Variants in CTNNA2 observed in about 807,000 individuals in gnomAD.
CTNNA2 encodes catenin alpha-2.
In CTNNA2, 42 loss-of-function variants were observed where a neutral mutation model predicts 101.0. The ratio of observed to expected loss-of-function variants is 0.42; its 90% CI spans 0.32 to 0.54. The LOEUF is 0.54. Ranked by LOEUF, CTNNA2 falls within the 20% of genes least tolerant of loss-of-function variation. The pLI is 0.14. For missense variants in CTNNA2, 871 were observed against 1,223.1 expected (o/e 0.71, Z 4.29); for synonymous variants, 450 against 456.4 (o/e 0.99, Z 0.18).
chr2:79,623,836 A>G (rs1679139773), intron 1 of CTNNA2, among the ~76,000 whole-genome samples: 2 of 152,206 alleles, frequency 1.3e-5, no homozygotes, highest in East Asian at 1.9e-4. Flanking sequence ...TATTAATTTC[A>G]CCATATTTTT....
intron 15 of CTNNA2, chr2:80,602,079 T>C (rs1396088470): frequency 6.6e-6 from 1 of 152,128 alleles, no homozygotes; most frequent in Non-Finnish European, 1.5e-5. Flanking sequence ...TGAGAAAATA[T>C]TTGATCTCAG....
At chr2:79,338,057 T>A (rs11126710) in intron 3 of CTNNA2, among the ~76,000 whole-genome samples, 1 of 151,624 alleles carries the variant, frequency 6.6e-6, no homozygotes, top group South Asian at 2.1e-4. Flanking sequence ...ACCAGCCTGG[T>A]GAACATGGAG....
chr2:79,961,776 C>T (rs1361689967), intron 7 of CTNNA2, among the ~76,000 whole-genome samples: 1 of 139,016 alleles, frequency 7.2e-6, no homozygotes, highest in East Asian at 2.2e-4. Context: ...GAGCCGAGAT[C>T]GTGCCACTGC....
In CTNNA2 at chr2:80,303,443, G is replaced by A. The variant is rs758815898; in HGVS notation, c.1057-89768G>A. The A allele has an allele frequency of 8.1e-6, 13 of 1,614,242 alleles. 1 individual carries two copies. The South Asian group carries it at 1.2e-4, about 15-fold the overall frequency. On this transcript the variant is annotated intron_variant, in intron 7 of 18. Coordinates refer to ENST00000402739, the MANE Select transcript of CTNNA2 (RefSeq NM_001282597.3). The surrounding 1 kb of genome is among the most constrained non-coding windows in gnomAD (Gnocchi z 7.7). Reference sequence around the variant, plus strand: ...CCGGAAGGTGGTGTTGGGCAGTTGGGTGATCTGGTTGGAACTCAGCGTGAG... The same window carrying A: ...CCGGAAGGTGGTGTTGGGCAGTTGGATGATCTGGTTGGAACTCAGCGTGAG...
chr2:80,495,904 C>T (rs1039115297), intron 9 of CTNNA2, among the ~76,000 whole-genome samples: 9 of 131,200 alleles, frequency 6.9e-5, no homozygotes, highest in African/African-American at 2.0e-4. Flanking sequence ...TATGCCACTG[C>T]ACTCCAGCCT....
intron 7 of CTNNA2, among the ~76,000 whole-genome samples, chr2:80,084,953 T>A (rs958231620): frequency 6.6e-6 from 1 of 152,044 alleles, no homozygotes; most frequent in Non-Finnish European, 1.5e-5. Context: ...AAAAGTGGGA[T>A]TCCTAGAAGA....
chr2:80,265,342 G>A (rs1277991461), intron 7 of CTNNA2, among the ~76,000 whole-genome samples: 1 of 152,156 alleles, frequency 6.6e-6, no homozygotes, highest in Non-Finnish European at 1.5e-5. Flanking sequence ...GCAACAATAC[G>A]GAGGGTAGGT....
chr2:79,760,438 A>G (rs538302861), intron 3 of CTNNA2, among the ~76,000 whole-genome samples: 2 of 152,124 alleles, frequency 1.3e-5, no homozygotes, highest in Admixed American at 6.6e-5. Context: ...TCTATAGGAC[A>G]GTCTGACAGG....
rs148914839 is a variant in CTNNA2, at chr2:80,639,462, G to A, written c.2575-8123G>A. On this transcript the variant is annotated intron_variant, in intron 18 of 18. Coordinates refer to ENST00000402739, the MANE Select transcript of CTNNA2 (RefSeq NM_001282597.3). ...TGACCTCAAGTGATCCGCCCACCTCGGCCTCCTAAAATGCTGGGATTATAG... is the reference window on the plus strand; with the variant it reads ...TGACCTCAAGTGATCCGCCCACCTCAGCCTCCTAAAATGCTGGGATTATAG... Among the ~76,000 whole-genome samples, 804 of 151,718 alleles carry A rather than the reference G, an allele frequency of 5.3e-3. 3 individuals carry two copies. The highest frequency in any genetic ancestry group is 9.0e-3 in the Non-Finnish European group (610 of 67,922).
chr2:79,713,745 G>A (rs533222305), intron 2 of CTNNA2, among the ~76,000 whole-genome samples: 1 of 152,166 alleles, frequency 6.6e-6, no homozygotes, highest in Admixed American at 6.5e-5. Flanking sequence ...TACCATTACT[G>A]TAGAGAGGCT....
chr2:79,522,990 G>A (rs1331637925), intron 1 of CTNNA2, among the ~76,000 whole-genome samples: 1 of 152,136 alleles, frequency 6.6e-6, no homozygotes, highest in Non-Finnish European at 1.5e-5. Context: ...GTGAACATTT[G>A]GTGAATTTCT....
chr2:79,832,102 T>G (rs1439819092), intron 3 of CTNNA2, among the ~76,000 whole-genome samples: 1 of 152,190 alleles, frequency 6.6e-6, no homozygotes, highest in Non-Finnish European at 1.5e-5. Flanking sequence ...ACTCATTCCC[T>G]GTGTGAGATA....
At chr2:79,502,961 A>G (rs936649773) in intron 4 of CTNNA2, among the ~76,000 whole-genome samples, 2 of 152,170 alleles carry the variant, frequency 1.3e-5, no homozygotes, top group Admixed American at 6.5e-5. Flanking sequence ...CAAGGGCTCA[A>G]CAATATAGAC....
intron 18 of CTNNA2, among the ~76,000 whole-genome samples, chr2:80,644,083 C>T (rs550618800): frequency 4.4e-4 from 67 of 152,164 alleles, no homozygotes; most frequent in South Asian, 2.5e-3. Flanking sequence ...AGTGATGCTT[C>T]GGGGGAACAT....
At chr2:80,590,311 A>G in intron 15 of CTNNA2, among the ~76,000 whole-genome samples, 1 of 152,162 alleles carries the variant, frequency 6.6e-6, no homozygotes, top group East Asian at 1.9e-4. Context: ...CTTACTCTCT[A>G]TTTGCGAAAT....
chr2:79,881,379 T>C (rs1367006859), intron 6 of CTNNA2, among the ~76,000 whole-genome samples: 1 of 152,208 alleles, frequency 6.6e-6, no homozygotes, highest in Non-Finnish European at 1.5e-5. Context: ...ATTTTCTGTC[T>C]TGTTGATCTC....
chr2:80,400,175 T>G (rs932407916), intron 8 of CTNNA2, among the ~76,000 whole-genome samples: 3 of 152,200 alleles, frequency 2.0e-5, no homozygotes, highest in African/African-American at 7.2e-5. Context: ...GCCAAATATA[T>G]CTGTTCCATT....
intron 3 of CTNNA2, among the ~76,000 whole-genome samples, chr2:79,359,539 C>A (rs1017443358): frequency 6.6e-6 from 1 of 152,106 alleles, no homozygotes; most frequent in Non-Finnish European, 1.5e-5. Flanking sequence ...ATAGATCAAC[C>A]GGGTTAATAG....
chr2:80,302,785 C>T lies in CTNNA2; in HGVS notation c.1057-90426C>T, dbSNP rs898734695. On this transcript the variant is annotated intron_variant, in intron 7 of 18. Transcript: ENST00000402739. This position sits in a 1 kb window ranked among gnomAD's most constrained non-coding sequence, Gnocchi z 6.4. Reference sequence around the variant, plus strand: ...GGACGTCCTCGCCCTGTGCGTACTCCGGGCTGGCGCACTGCAAGTTGCCAT... The same window carrying T: ...GGACGTCCTCGCCCTGTGCGTACTCTGGGCTGGCGCACTGCAAGTTGCCAT... The T allele has an allele frequency of 1.9e-6, 3 of 1,613,428 alleles. No individual in the cohort carries two copies. In the African/African-American group the frequency reaches 4.0e-5, roughly 21 times the overall value.
Sources: allele counts gnomAD v4.1 joint callset (sites outside exome capture counted in the v4.1 genomes callset), GRCh38; gene constraint gnomAD v4.1.1; non-coding constraint Gnocchi (gnomAD v3.1); transcripts MANE v1.5; gene names NCBI Gene and HGNC (gene_info 2026-07-23, HGNC 2026-07-21).